DDX4: variants seen among roughly 807,000 people sequenced by gnomAD.
DDX4 encodes DEAD-box helicase 4, also known as probable ATP-dependent RNA helicase DDX4.
Under a neutral mutation model 100.0 loss-of-function variants are expected in DDX4, and 25 were observed. The ratio of observed to expected loss-of-function variants is 0.25; its 90% CI spans 0.18 to 0.35. The LOEUF is 0.35. DDX4 is among the 10% of genes least tolerant of loss of function. The probability of loss-of-function intolerance (pLI) is 1.00; values close to 1 mark genes in which losing one functional copy is unlikely to be tolerated. For synonymous variants in DDX4, 259 were observed against 275.7 expected (o/e 0.94, Z 0.60); for missense variants, 635 against 882.4 (o/e 0.72, Z 3.55).
At chr5:55,772,533 A>G (rs920867879) in intron 7 of DDX4, among the ~76,000 whole-genome samples, 3 of 152,126 alleles carry the variant, frequency 2.0e-5, no homozygotes, top group South Asian at 2.1e-4. Context: ...TTCAAGTGCT[A>G]TGGTTTGGAT....
intron 3 of DDX4, among the ~76,000 whole-genome samples, chr5:55,751,919 T>C (rs1246083645): frequency 6.6e-6 from 1 of 152,218 alleles, no homozygotes; most frequent in African/African-American, 2.4e-5. Context: ...CACATTGAGC[T>C]TTTAATCGTC....
intron 18 of DDX4, among the ~76,000 whole-genome samples, chr5:55,803,737 T>C (rs996871038): frequency 6.6e-6 from 1 of 151,922 alleles, no homozygotes; most frequent in Non-Finnish European, 1.5e-5. Context: ...TGTTGGACAT[T>C]TGGGTTGGTT....
At chr5:55,764,964 C>A (rs553099532) in intron 6 of DDX4, among the ~76,000 whole-genome samples, 4 of 152,154 alleles carry the variant, frequency 2.6e-5, no homozygotes, top group Non-Finnish European at 4.4e-5. Context: ...AAAGTCAAAA[C>A]CAAGCCTAGA....
At chr5:55,753,398 A>G (rs1759699926) in intron 3 of DDX4, among the ~76,000 whole-genome samples, 1 of 152,168 alleles carries the variant, frequency 6.6e-6, no homozygotes, top group Non-Finnish European at 1.5e-5. Context: ...ATGGCTAGCC[A>G]GTGTTCCCAG....
intron 2 of DDX4, among the ~76,000 whole-genome samples, chr5:55,742,726 A>G (rs1053870823): frequency 1.3e-5 from 2 of 152,184 alleles, no homozygotes; most frequent in African/African-American, 2.4e-5. Context: ...CATTCAACAT[A>G]TTTTTGAGTT....
At chr5:55,800,237 C>T (rs1743209679) in intron 18 of DDX4, among the ~76,000 whole-genome samples, 1 of 151,840 alleles carries the variant, frequency 6.6e-6, no homozygotes. Flanking sequence ...AACTTGTCCA[C>T]CATAAATTGA....
At chr5:55,798,875 A>G (rs557047007) in intron 18 of DDX4, among the ~76,000 whole-genome samples, 1 of 152,264 alleles carries the variant, frequency 6.6e-6, no homozygotes, top group Non-Finnish European at 1.5e-5. Context: ...AGTGACACAT[A>G]TTTACATCAC....
At position 55,791,582 on chromosome 5, in the gene DDX4, A is replaced by C. The variant is rs191297714; in HGVS notation, c.1302+877A>C. Among the ~76,000 whole-genome samples the C allele has an allele frequency of 2.9e-4, 44 of 152,256 alleles. No homozygotes were observed. In the East Asian group the frequency reaches 7.5e-3, roughly 26 times the overall value. ...TAAGGATTTAAAGAGGTTAGAAAAA[A>C]TTTTACCAGTTAGAAGATATTTGAA... is the stretch of plus-strand genomic sequence containing the variant. On this transcript the variant is annotated intron_variant, in intron 16 of 21. Transcript: ENST00000505374.
chr5:55,786,193 G>T (rs971707370), intron 13 of DDX4, among the ~76,000 whole-genome samples: 2 of 152,140 alleles, frequency 1.3e-5, no homozygotes, highest in Admixed American at 1.3e-4. Flanking sequence ...TTTTCTGAGA[G>T]GGGGAGCCCT....
chr5:55,757,855 C>T (rs986094065), intron 3 of DDX4, among the ~76,000 whole-genome samples: 3 of 152,026 alleles, frequency 2.0e-5, no homozygotes, highest in African/African-American at 7.3e-5. Flanking sequence ...ACCTGCTTGG[C>T]CAATGTGGTG....
intron 21 of DDX4, 53 bp from the exon 22 acceptor site, chr5:55,816,410 A>G (rs1404751801): frequency 1.2e-5 from 18 of 1,539,120 alleles, no homozygotes; most frequent in Admixed American, 2.0e-5. Context: ...TAAAGCTGTC[A>G]TAAAATTAAA....
chr5:55,756,621 G>A (rs1312502747), intron 3 of DDX4, among the ~76,000 whole-genome samples: 1 of 152,026 alleles, frequency 6.6e-6, no homozygotes, highest in Non-Finnish European at 1.5e-5. Context: ...TCTTTTGCTT[G>A]GTGGTTTTAG....
At chr5:55,760,136 T>G in intron 3 of DDX4, 64 bp from the exon 4 acceptor site, 1 of 1,517,866 alleles carries the variant, frequency 6.6e-7, no homozygotes. Context: ...ACAGAAGGCT[T>G]AAGGTTTGCA....
At chr5:55,749,955 G>C (rs1239111510) in intron 3 of DDX4, among the ~76,000 whole-genome samples, 1 of 148,724 alleles carries the variant, frequency 6.7e-6, no homozygotes, top group Non-Finnish European at 1.5e-5. Flanking sequence ...AGTTTCTGTA[G>C]AGAATCCACA....
intron 7 of DDX4, among the ~76,000 whole-genome samples, chr5:55,779,383 CTT>C (rs1240294980): frequency 6.6e-6 from 1 of 152,198 alleles, no homozygotes; most frequent in Non-Finnish European, 1.5e-5. Flanking sequence ...ACGGAACAGT[CTT>C]TATTTCCTGC....
At chr5:55,790,332 G>A (rs1007408575) in intron 15 of DDX4, among the ~76,000 whole-genome samples, 15 of 151,900 alleles carry the variant, frequency 9.9e-5, no homozygotes, top group African/African-American at 3.6e-4. Flanking sequence ...TTTTAGTAGA[G>A]ACTGGATTTT....
At chr5:55,782,634 AAAT>A (rs1400817351) in intron 10 of DDX4, among the ~76,000 whole-genome samples, 4 of 151,926 alleles carry the variant, frequency 2.6e-5, no homozygotes, top group East Asian at 1.9e-4. Context: ...CTGTTTAATA[AAAT>A]AATAATCATG....
intron 18 of DDX4, among the ~76,000 whole-genome samples, chr5:55,802,851 AT>A (rs1743409295): frequency 6.6e-6 from 1 of 152,136 alleles, no homozygotes; most frequent in Non-Finnish European, 1.5e-5. Context: ...CTACTGATAA[AT>A]TTTTTTCTAT....
At chr5:55,789,872 T>C (rs1301460516) in intron 15 of DDX4, among the ~76,000 whole-genome samples, 1 of 152,190 alleles carries the variant, frequency 6.6e-6, no homozygotes, top group Non-Finnish European at 1.5e-5. Flanking sequence ...TGTATATGTA[T>C]GTTAAAACCA....
Sources: gnomAD v4.1 joint callset for allele counts (sites outside exome capture counted in the v4.1 genomes callset) on GRCh38, gnomAD v4.1.1 for gene constraint, MANE v1.5 for transcripts, NCBI Gene and HGNC (gene_info 2026-07-23, HGNC 2026-07-21) for gene names.